The following JPH3 variants were observed in gnomAD, a reference collection of about 807,000 sequenced individuals.
JPH3 encodes junctophilin 3, also known as junctophilin-3.
A neutral mutation model predicts 59.6 loss-of-function variants in JPH3; 11 were observed. The ratio of observed to expected loss-of-function variants is 0.18; its 90% confidence interval spans 0.12 to 0.31. The LOEUF is 0.31. JPH3 is among the 10% of genes least tolerant of loss of function. The pLI is 1.00. For missense variants in JPH3, 1,202 were observed against 1,105.7 expected (o/e 1.09, Z -1.24); for synonymous variants, 673 against 483.6 (o/e 1.39, Z -5.14).
chr16:87,672,822 C>G (rs80329832), intron 2 of JPH3, among the ~76,000 whole-genome samples: 2,112 of 152,310 alleles, frequency 0.014, 53 homozygotes, highest in African/African-American at 0.049. Context: ...GGATCCCTAC[C>G]TCATACCAAA....
chr16:87,648,839 C>T (rs576907634), intron 2 of JPH3, among the ~76,000 whole-genome samples: 2 of 152,196 alleles, frequency 1.3e-5, no homozygotes, highest in African/African-American at 2.4e-5. Context: ...TCAGGCCCCA[C>T]GCCCCAGACT....
Position 87,690,158 on chromosome 16 carries a change from C to G in JPH3, c.1798C>G (p.Leu600Val). The G allele has an allele frequency of 1.3e-6, 2 of 1,598,372 alleles. No homozygotes were observed. The highest frequency in any genetic ancestry group is 1.1e-5 in the South Asian group (1 of 88,598). ...CAACCACAGCCCCGGAGGCTCCAGG[C>G]TGCTGGAGCTGCAGGAGGAGAAGCT... is the stretch of plus-strand genomic sequence containing the variant. Reference protein sequence around the residue: ...ASNHSPGGSRLLELQEEKLSN... With the variant: ...ASNHSPGGSRVLELQEEKLSN... The change falls in exon 4 of 5, where the codon CTG becomes GTG. Residue 600 changes from leucine to valine, a missense_variant. Coordinates refer to ENST00000284262, the MANE Select transcript of JPH3 (RefSeq NM_020655.4).
intron 1 of JPH3, among the ~76,000 whole-genome samples, chr16:87,628,278 C>T (rs2031449575): frequency 6.6e-6 from 1 of 152,266 alleles, no homozygotes; most frequent in South Asian, 2.1e-4. Flanking sequence ...AGGACCCTTC[C>T]ACGGCCCAGG....
At chr16:87,654,052 G>C (rs112091353) in intron 2 of JPH3, 1 of 152,302 alleles carries the variant, frequency 6.6e-6, no homozygotes, top group Admixed American at 6.5e-5. Context: ...CCAGCAGGAC[G>C]TGCGGCCCTC....
At chr16:87,661,586 G>T (rs1256773639) in intron 2 of JPH3, among the ~76,000 whole-genome samples, 1 of 152,242 alleles carries the variant, frequency 6.6e-6, no homozygotes. Context: ...TGAAACAGCC[G>T]AGGGTCTGAC....
intron 1 of JPH3, among the ~76,000 whole-genome samples, chr16:87,631,983 C>G (rs796311739): frequency 2.0e-5 from 3 of 152,298 alleles, no homozygotes; most frequent in African/African-American, 7.2e-5. Context: ...CTGATTCCCC[C>G]TCTTTTTTCC....
chr16:87,696,600 G>C lies in JPH3; in HGVS notation c.2187G>C (p.Val729=). 1 of 1,613,568 alleles carries C rather than the reference G, an allele frequency of 6.2e-7. No homozygotes were observed. The highest frequency in any genetic ancestry group is 8.5e-7 in the Non-Finnish European group (1 of 1,179,900). ...TCCAGGGCTCAGCGCCTATCCTGGT[G>C]GTCATGGTGATCTTGCTCAACATCG... The part of the protein sequence containing the change: ...KSSTGSAPIL[V]VMVILLNIGV... Residue 729 remains valine (V), a synonymous_variant, in exon 5 of 5, where the codon GTG becomes GTC. Transcript: ENST00000284262.
chr16:87,662,665 C>T (rs1441228646), intron 2 of JPH3, among the ~76,000 whole-genome samples: 1 of 152,212 alleles, frequency 6.6e-6, no homozygotes, highest in Non-Finnish European at 1.5e-5. Context: ...CTGAGCCATG[C>T]GGAGAGTTTG....
At chr16:87,683,459 A>C (rs2033343658) in intron 2 of JPH3, among the ~76,000 whole-genome samples, 1 of 150,906 alleles carries the variant, frequency 6.6e-6, no homozygotes, top group Non-Finnish European at 1.5e-5. Flanking sequence ...CACGTGCCAC[A>C]ACACCCGGCT....
rs187494095 is a variant in JPH3 at position 87,635,673 on chromosome 16, C to A, written c.383-8585C>A. ...GGACGCAGCTGTGGCTCGAGTGACACCTGCTGGCGGCCTCATCTCATCCGC... is the reference window on the plus strand; with the variant it reads ...GGACGCAGCTGTGGCTCGAGTGACAACTGCTGGCGGCCTCATCTCATCCGC... On this transcript the variant is annotated intron_variant, in intron 1 of 4. Coordinates refer to ENST00000284262, the MANE Select transcript of JPH3 (RefSeq NM_020655.4). Among the ~76,000 whole-genome samples, 912 of 152,340 alleles carry A rather than the reference C, an allele frequency of 6.0e-3. 6 individuals carry two copies. Among genetic ancestry groups the A allele is most frequent in the Non-Finnish European group, 8.0e-3 (544 of 68,034 alleles).
At chr16:87,693,124 C>T (rs1019290893) in intron 4 of JPH3, among the ~76,000 whole-genome samples, 63 of 152,372 alleles carry the variant, frequency 4.1e-4, no homozygotes, top group African/African-American at 1.5e-3. Context: ...AAGCTGGGCT[C>T]AGGGCAGCTT....
chr16:87,656,381 C>G (rs577912561), intron 2 of JPH3, among the ~76,000 whole-genome samples: 1 of 152,218 alleles, frequency 6.6e-6, no homozygotes, highest in South Asian at 2.1e-4. Context: ...ACCAGAGTGG[C>G]CAGTCCATGG....
chr16:87,677,250 G>A (rs1247598491), intron 2 of JPH3, among the ~76,000 whole-genome samples: 1 of 139,180 alleles, frequency 7.2e-6, no homozygotes, highest in African/African-American at 2.7e-5. Flanking sequence ...GCCGGGTGTG[G>A]TGGGCGCCTG....
intron 2 of JPH3, among the ~76,000 whole-genome samples, chr16:87,655,412 G>GCTGGA (rs2032465997): frequency 6.6e-6 from 1 of 152,156 alleles, no homozygotes; most frequent in African/African-American, 2.4e-5. Flanking sequence ...GGAGTGCAGT[G>GCTGGA]GTACGATCAT....
intron 1 of JPH3, among the ~76,000 whole-genome samples, chr16:87,627,732 C>T (rs560274205): frequency 6.6e-5 from 10 of 152,160 alleles, no homozygotes; most frequent in Non-Finnish European, 1.2e-4. Context: ...TCTGGGGTCA[C>T]GTGGCTAGGA....
At chr16:87,687,640 C>T (rs545221742) in intron 3 of JPH3, among the ~76,000 whole-genome samples, 2 of 152,144 alleles carry the variant, frequency 1.3e-5, no homozygotes, top group African/African-American at 2.4e-5. Context: ...GAAGAAGCTG[C>T]AGGGGCTTCA....
intron 2 of JPH3, among the ~76,000 whole-genome samples, chr16:87,655,489 G>C (rs116218963): frequency 0.12 from 17,633 of 152,170 alleles, 1,273 homozygotes; most frequent in South Asian, 0.24. Flanking sequence ...GAGTAGCTGG[G>C]ACCGCAGCCG....
chr16:87,695,465 C>G (rs768215017), intron 4 of JPH3: 5 of 455,708 alleles, frequency 1.1e-5, no homozygotes, highest in Admixed American at 4.7e-5. Context: ...TCCGGGGGCT[C>G]TGAACAGCTC....
At chr16:87,645,099 G>C in intron 2 of JPH3, 64 bp downstream of exon 2, 1 of 1,503,698 alleles carries the variant, frequency 6.7e-7, no homozygotes, top group East Asian at 2.3e-5. Context: ...AGCCCAGTCT[G>C]TTCAGTCCTG....
Sources: allele counts gnomAD v4.1 joint callset (sites outside exome capture counted in the v4.1 genomes callset), GRCh38; gene constraint gnomAD v4.1.1; transcripts MANE v1.5; gene names NCBI Gene and HGNC (gene_info 2026-07-23, HGNC 2026-07-21).